Variants in NEDD4L observed in about 807,000 individuals in gnomAD.
NEDD4L encodes NEDD4 like E3 ubiquitin protein ligase.
Under a neutral mutation model 148.9 loss-of-function variants are expected in NEDD4L, and 54 were observed. The observed-to-expected ratio is 0.36, with a 90% CI of 0.29 to 0.45. The LOEUF (loss-of-function observed/expected upper bound fraction) is 0.45, where lower values mean the gene tolerates loss of function less well. NEDD4L is among the 20% of genes least tolerant of loss of function. NEDD4L has a pLI of 1.00. For synonymous variants in NEDD4L, 433 were observed against 440.7 expected (o/e 0.98, Z 0.22); for missense variants, 856 against 1,233.8 (o/e 0.69, Z 4.59).
chr18:58,237,801 A>G (rs531249153), intron 2 of NEDD4L, among the ~76,000 whole-genome samples: 5 of 152,326 alleles, frequency 3.3e-5, no homozygotes, highest in Non-Finnish European at 4.4e-5. Context: ...AGATGCACAT[A>G]CAGTTGCCCC....
rs977123175 is a variant in NEDD4L at position 58,322,407 on chromosome 18, A to G, written c.349-18A>G. On this transcript the variant is annotated intron_variant, in intron 6 of 30. Transcript: ENST00000400345. ...TATTAGGAATATTAAAATTTAATTT[A>G]CTGTTTTTTCCCCACAGACAGAAGA... 97 of 1,547,286 alleles carry G rather than the reference A, an allele frequency of 6.3e-5. No homozygotes were observed. Among genetic ancestry groups the G allele is most frequent in the Non-Finnish European group, 8.4e-5 (94 of 1,123,844 alleles).
chr18:58,257,702 C>T (rs1286874409), intron 5 of NEDD4L, among the ~76,000 whole-genome samples: 2 of 152,184 alleles, frequency 1.3e-5, no homozygotes, highest in Non-Finnish European at 2.9e-5. Context: ...CTGCACGCTC[C>T]ATCGACCAGG....
chr18:58,308,949 C>T (rs1427055138), intron 5 of NEDD4L, among the ~76,000 whole-genome samples: 2 of 152,248 alleles, frequency 1.3e-5, no homozygotes, highest in African/African-American at 4.8e-5. Flanking sequence ...CCTTCCGTGT[C>T]CTGAGTGGGC....
chr18:58,128,931 C>T (rs557037449), intron 1 of NEDD4L, among the ~76,000 whole-genome samples: 4 of 152,274 alleles, frequency 2.6e-5, no homozygotes, highest in South Asian at 4.2e-4. Flanking sequence ...AAATACAGTG[C>T]GGTTAGTTCC....
At chr18:58,084,376 A>G (rs1171068166) in intron 1 of NEDD4L, among the ~76,000 whole-genome samples, 1 of 152,222 alleles carries the variant, frequency 6.6e-6, no homozygotes, top group Non-Finnish European at 1.5e-5. Context: ...ATTTAATTGT[A>G]TACTCTAAAT....
chr18:58,240,217 C>G (rs777455899), intron 2 of NEDD4L, among the ~76,000 whole-genome samples: 1 of 151,898 alleles, frequency 6.6e-6, no homozygotes, highest in East Asian at 1.9e-4. Context: ...AGTGAGGTGT[C>G]TTACTTGTGA....
chr18:58,374,468 C>T (rs1206820429), intron 24 of NEDD4L, among the ~76,000 whole-genome samples: 14 of 152,052 alleles, frequency 9.2e-5, no homozygotes, highest in Admixed American at 4.6e-4. Flanking sequence ...CCCCCTTTCC[C>T]GGCCTCCTCC....
chr18:58,319,521 AC>A (rs1186376717), intron 6 of NEDD4L, among the ~76,000 whole-genome samples: 1 of 152,152 alleles, frequency 6.6e-6, no homozygotes, highest in Non-Finnish European at 1.5e-5. Flanking sequence ...GAATGCTTTT[AC>A]CCTGGAACGG....
intron 2 of NEDD4L, among the ~76,000 whole-genome samples, chr18:58,167,913 C>T (rs963880227): frequency 4.0e-5 from 6 of 150,884 alleles, no homozygotes; most frequent in African/African-American, 1.5e-4. Flanking sequence ...TTATCCAAAC[C>T]CTCCCATTAA....
intron 1 of NEDD4L, among the ~76,000 whole-genome samples, chr18:58,132,805 C>T (rs139645727): frequency 1.3e-5 from 2 of 152,126 alleles, no homozygotes; most frequent in Non-Finnish European, 2.9e-5. Context: ...GAGTTCATGA[C>T]AATATTTTGT....
intron 8 of NEDD4L, 133 bp from the exon 9 acceptor site, chr18:58,324,863 G>A (rs1033291235): frequency 1.3e-4 from 100 of 751,374 alleles, no homozygotes; most frequent in Non-Finnish European, 3.7e-5. Flanking sequence ...TTACTCAAAT[G>A]TGGCCCCGAA....
Position 58,396,352 on chromosome 18 carries a change from C to G in NEDD4L, c.*83C>G. 1 of 922,028 alleles carries G rather than the reference C, an allele frequency of 1.1e-6. No homozygotes were observed. The highest frequency in any genetic ancestry group is 1.7e-6 in the Non-Finnish European group (1 of 579,146). The allele number at this position is 922,028 out of a possible 1,614,324, so 57.1% of individuals were successfully genotyped here. ...TTTGCCTAACAGACTTTTGCAGAGG[C>G]GATGGCAGAGAGCAGCTGCAGGCAT... is the stretch of plus-strand genomic sequence containing the variant. On this transcript the variant is annotated 3_prime_UTR_variant, in exon 31 of 31. Coordinates refer to ENST00000400345, the MANE Select transcript of NEDD4L (RefSeq NM_001144967.3).
At chr18:58,114,354 A>G (rs1039590892) in intron 1 of NEDD4L, among the ~76,000 whole-genome samples, 1 of 148,982 alleles carries the variant, frequency 6.7e-6, no homozygotes, top group African/African-American at 2.5e-5. Context: ...AAAAATATAT[A>G]TATATATACA....
intron 5 of NEDD4L, among the ~76,000 whole-genome samples, chr18:58,281,998 C>G (rs2053192322): frequency 6.7e-6 from 1 of 150,300 alleles, no homozygotes; most frequent in East Asian, 1.9e-4. Flanking sequence ...GCACTCCAGC[C>G]TGGGCGACAG....
chr18:58,047,898 G>T (rs2081661227), intron 1 of NEDD4L, among the ~76,000 whole-genome samples: 1 of 152,156 alleles, frequency 6.6e-6, no homozygotes. Flanking sequence ...TTCCATTTTA[G>T]AAAGGTATCA....
At chr18:58,103,454 A>G (rs966129300) in intron 1 of NEDD4L, among the ~76,000 whole-genome samples, 1 of 152,040 alleles carries the variant, frequency 6.6e-6, no homozygotes, top group Admixed American at 6.6e-5. Context: ...GCTTGCTGCT[A>G]GTGCTTCAGT....
intron 2 of NEDD4L, among the ~76,000 whole-genome samples, chr18:58,224,468 G>A (rs1225832912): frequency 6.6e-6 from 1 of 152,304 alleles, no homozygotes; most frequent in East Asian, 1.9e-4. Context: ...AGGAAATGGC[G>A]TGGCAGGCTT....
chr18:58,112,305 A>G (rs2145681564), intron 1 of NEDD4L, among the ~76,000 whole-genome samples: 1 of 152,176 alleles, frequency 6.6e-6, no homozygotes. Flanking sequence ...TAGACCAAAA[A>G]TTACATCCTA....
chr18:58,136,756 T>C (rs2032894593), intron 1 of NEDD4L, among the ~76,000 whole-genome samples: 2 of 152,212 alleles, frequency 1.3e-5, no homozygotes, highest in African/African-American at 4.8e-5. Context: ...CCCAGCACTG[T>C]TCTGGAACTT....
Sources: gnomAD v4.1 joint callset for allele counts (sites outside exome capture counted in the v4.1 genomes callset) on GRCh38, gnomAD v4.1.1 for gene constraint, MANE v1.5 for transcripts, NCBI Gene and HGNC (gene_info 2026-07-23, HGNC 2026-07-21) for gene names.